Variants in GMDS observed in about 807,000 individuals in gnomAD.
GMDS encodes the protein GDP-mannose 4,6 dehydratase.
GMDS carries 20 observed loss-of-function variants against 49.9 expected under a neutral mutation model. That is an observed-to-expected ratio of 0.40 (90% CI 0.28 to 0.58). GMDS has a LOEUF of 0.58. Among genes scored for constraint, GMDS ranks in the 20% least tolerant of loss-of-function variants. The pLI, the probability that GMDS is intolerant of heterozygous loss-of-function variation, is 0.42. For synonymous variants in GMDS, 177 were observed against 178.6 expected (o/e 0.99, Z 0.07); for missense variants, 362 against 481.4 (o/e 0.75, Z 2.32).
intron 7 of GMDS, among the ~76,000 whole-genome samples, chr6:1,901,432 A>T (rs1353487601): frequency 6.6e-6 from 1 of 152,214 alleles, no homozygotes; most frequent in East Asian, 1.9e-4. Context: ...CAAAAAAAAC[A>T]TAGAAAAGAA....
chr6:1,953,554 T>G (rs1469203062), intron 6 of GMDS, among the ~76,000 whole-genome samples: 1 of 152,222 alleles, frequency 6.6e-6, no homozygotes, highest in Non-Finnish European at 1.5e-5. Flanking sequence ...ATATTTGTAT[T>G]TATGGCATGC....
intron 9 of GMDS, among the ~76,000 whole-genome samples, chr6:1,627,431 T>C (rs1762877060): frequency 6.6e-6 from 1 of 152,142 alleles, no homozygotes; most frequent in South Asian, 2.1e-4. Flanking sequence ...TGGCAAATGC[T>C]CATACAACGG....
intron 6 of GMDS, among the ~76,000 whole-genome samples, chr6:1,956,165 T>C (rs1454078633): frequency 1.3e-5 from 2 of 152,150 alleles, no homozygotes; most frequent in African/African-American, 2.4e-5. Context: ...AAGTGAAAGT[T>C]TTCTCGAATG....
At chr6:1,903,758 C>A (rs1760618584) in intron 7 of GMDS, among the ~76,000 whole-genome samples, 2 of 150,356 alleles carry the variant, frequency 1.3e-5, no homozygotes, top group South Asian at 4.3e-4. Context: ...AGATAAAGTT[C>A]ACTCAGATGT....
At chr6:1,987,259 G>T (rs542485988) in intron 4 of GMDS, among the ~76,000 whole-genome samples, 1 of 152,124 alleles carries the variant, frequency 6.6e-6, no homozygotes, top group African/African-American at 2.4e-5. Flanking sequence ...TGTGGGAAAG[G>T]AATTTTTAAA....
At chr6:2,091,628 T>G (rs905892172) in intron 4 of GMDS, among the ~76,000 whole-genome samples, 1 of 152,144 alleles carries the variant, frequency 6.6e-6, no homozygotes, top group Admixed American at 6.5e-5. Context: ...GCTTGGCAGA[T>G]AAGAATCAGG....
At position 1,782,701 on chromosome 6, in the gene GMDS, G is replaced by C. The variant is rs112743695; in HGVS notation, c.772-40115C>G. Among the ~76,000 whole-genome samples, 613 of 152,328 alleles carry C rather than the reference G, an allele frequency of 4.0e-3. 2 individuals are homozygous for C. The highest frequency in any genetic ancestry group is 0.014 in the African/African-American group (589 of 41,576). ...GAAGTTGTTAGGAAGGAATAAGTACGGGTGAAATGAGAACATAGATCAAAA... is the reference window on the plus strand; with the variant it reads ...GAAGTTGTTAGGAAGGAATAAGTACCGGTGAAATGAGAACATAGATCAAAA... On this transcript the variant is annotated intron_variant, in intron 7 of 10. Coordinates refer to ENST00000380815, the MANE Select transcript of GMDS (RefSeq NM_001500.4).
intron 7 of GMDS, among the ~76,000 whole-genome samples, chr6:1,902,794 A>G (rs889054446): frequency 2.0e-5 from 3 of 152,192 alleles, no homozygotes; most frequent in African/African-American, 7.2e-5. Flanking sequence ...CTCAAATTAA[A>G]CCATAATATT....
rs1194504274 is a variant in GMDS, at chr6:1,833,279, A to G, written c.772-90693T>C. On this transcript the variant is annotated intron_variant, in intron 7 of 10. Coordinates refer to ENST00000380815, the MANE Select transcript of GMDS (RefSeq NM_001500.4). The surrounding 1 kb of genome is among the most constrained non-coding windows in gnomAD (Gnocchi z 4.4). ...AACTACACGTGTCAGTGACTTCCAG[A>G]GAAGGGGAGGCCCCAGAACAACACT... Among the ~76,000 whole-genome samples, 2 of 151,910 alleles carry G rather than the reference A, an allele frequency of 1.3e-5. No homozygotes were observed. The highest frequency in any genetic ancestry group is 4.8e-5 in the African/African-American group (2 of 41,350).
intron 9 of GMDS, among the ~76,000 whole-genome samples, chr6:1,707,229 C>T (rs540773545): frequency 2.0e-5 from 3 of 152,306 alleles, no homozygotes; most frequent in Non-Finnish European, 4.4e-5. Context: ...CACGTCTCTG[C>T]TAACCATACT....
At position 1,836,186 on chromosome 6, in the gene GMDS, A is replaced by C. The variant is rs1013500161; in HGVS notation, c.772-93600T>G. On this transcript the variant is annotated intron_variant, in intron 7 of 10. Transcript: ENST00000380815. This position sits in a 1 kb window ranked among gnomAD's most constrained non-coding sequence, Gnocchi z 4.2. Reference sequence around the variant, plus strand: ...CTGGCCTCGTTTGCTTTATTTTTTAAGTACGTTTTTGATTCACTAGTATCT... The same window carrying C: ...CTGGCCTCGTTTGCTTTATTTTTTACGTACGTTTTTGATTCACTAGTATCT... Among the ~76,000 whole-genome samples the C allele has an allele frequency of 6.6e-6, 1 of 152,114 alleles. No individual in the cohort carries two copies. Among genetic ancestry groups the C allele is most frequent in the East Asian group, 1.9e-4 (1 of 5,200 alleles).
At chr6:1,891,839 A>C (rs1213944123) in intron 7 of GMDS, among the ~76,000 whole-genome samples, 1 of 152,200 alleles carries the variant, frequency 6.6e-6, no homozygotes, top group Non-Finnish European at 1.5e-5. Flanking sequence ...CTGAGCTAGA[A>C]GACAGATGAG....
At chr6:1,960,373 C>CT (rs3839606) in intron 5 of GMDS, among the ~76,000 whole-genome samples, 25,491 of 150,572 alleles carry the variant, frequency 0.17, 2,564 homozygotes, top group African/African-American at 0.28. Flanking sequence ...ACACAATAGT[C>CT]TTTTTTTTTG....
intron 8 of GMDS, among the ~76,000 whole-genome samples, chr6:1,737,081 A>C (rs1234592716): frequency 2.0e-5 from 3 of 152,234 alleles, no homozygotes; most frequent in African/African-American, 7.2e-5. Flanking sequence ...GCATGAGCAC[A>C]AAACAGCTTG....
At chr6:2,205,490 C>T (rs931337121) in intron 1 of GMDS, among the ~76,000 whole-genome samples, 1 of 152,230 alleles carries the variant, frequency 6.6e-6, no homozygotes, top group Non-Finnish European at 1.5e-5. Flanking sequence ...TCTGGAGTAG[C>T]TTCTATAAAG....
Position 1,632,831 on chromosome 6 carries a change from A to C in GMDS, c.988-8291T>G, listed in dbSNP as rs529509729. On this transcript the variant is annotated intron_variant, in intron 9 of 10. Transcript: ENST00000380815. The stretch of plus-strand genomic sequence containing the variant: ...GAGTTTGAGGCTGCAGTGAGCTATG[A>C]TTACACCACTGTACTCCAGCCTAGG... Among the ~76,000 whole-genome samples, 13 of 152,330 alleles carry C rather than the reference A, an allele frequency of 8.5e-5. No homozygotes were observed. The South Asian group carries it at 2.5e-3, about 29-fold the overall frequency.
At position 1,652,711 on chromosome 6, in the gene GMDS, TATATATATAGAGAG is replaced by T. The variant is rs1171644802; in HGVS notation, c.988-28185_988-28172del. Among the ~76,000 whole-genome samples the T allele has an allele frequency of 1.3e-4, 4 of 29,830 alleles. 2 individuals carry two copies. Among genetic ancestry groups the T allele is most frequent in the Non-Finnish European group, 2.7e-4 (4 of 15,024 alleles). 19.6% of individuals were successfully genotyped at this position (29,830 alleles called of 152,430 possible). A position where few individuals can be genotyped will look rare whatever the true frequency, so the allele number is the denominator to read the frequency against. On this transcript the variant is annotated intron_variant, in intron 9 of 10. Coordinates refer to ENST00000380815, the MANE Select transcript of GMDS (RefSeq NM_001500.4). ...ATATATAATATATTATATATATATA[TATATATATAGAGAG>T]AGAGAGAGAGAGAGAGACAGACAGA...
chr6:2,136,903 A>G (rs1776032231), intron 1 of GMDS, among the ~76,000 whole-genome samples: 1 of 68,532 alleles, frequency 1.5e-5, no homozygotes, highest in Admixed American at 1.6e-4. Flanking sequence ...ACTTCATTTC[A>G]AACAAAAAAA....
intron 7 of GMDS, among the ~76,000 whole-genome samples, chr6:1,870,081 C>T (rs1306216730): frequency 6.6e-6 from 1 of 152,246 alleles, no homozygotes. Context: ...GAAGACCATG[C>T]CAGGACAAGA....
Sources: allele counts gnomAD v4.1 joint callset (sites outside exome capture counted in the v4.1 genomes callset), GRCh38; gene constraint gnomAD v4.1.1; non-coding constraint Gnocchi (gnomAD v3.1); transcripts MANE v1.5; gene names NCBI Gene and HGNC (gene_info 2026-07-23, HGNC 2026-07-21).